The following DLG2 variants were observed in gnomAD, a reference collection of about 807,000 sequenced individuals.
DLG2 encodes the protein disks large homolog 2.
A neutral mutation model predicts 132.5 loss-of-function variants in DLG2; 45 were observed. That is an observed-to-expected ratio of 0.34 (90% confidence interval 0.27 to 0.44). The LOEUF is 0.44. Ranked by LOEUF, DLG2 falls within the 20% of genes least tolerant of loss-of-function variation. The probability of loss-of-function intolerance (pLI) is 1.00; values close to 1 mark genes in which losing one functional copy is unlikely to be tolerated. For missense variants in DLG2, 1,045 were observed against 1,196.9 expected (o/e 0.87, Z 1.87); for synonymous variants, 424 against 419.6 (o/e 1.01, Z -0.13).
intron 3 of DLG2, chr11:85,452,559 ACCATAACTAGAATGTACCCT>A (rs1213393512): frequency 1.0e-4 from 21 of 201,966 alleles, no homozygotes; most frequent in African/African-American, 3.5e-4. Context: ...AGCCTCCAAC[ACCATAACTAGAATGTACCCT>A]CCTATATCTA....
At chr11:84,594,241 A>G (rs927921282) in intron 6 of DLG2, among the ~76,000 whole-genome samples, 6 of 152,170 alleles carry the variant, frequency 3.9e-5, no homozygotes, top group African/African-American at 1.4e-4. Context: ...ATGCACAGTT[A>G]AACTGTGGGT....
chr11:84,165,759 A>G (rs909374241), intron 8 of DLG2, among the ~76,000 whole-genome samples: 5 of 152,064 alleles, frequency 3.3e-5, no homozygotes, highest in Non-Finnish European at 7.4e-5. Flanking sequence ...TTAGCTGGGC[A>G]TAGTGACAGG....
At chr11:83,992,855 A>G (rs547021736) in intron 11 of DLG2, among the ~76,000 whole-genome samples, 22 of 152,150 alleles carry the variant, frequency 1.4e-4, no homozygotes, top group Non-Finnish European at 3.1e-4. Context: ...ACAAGAAAGG[A>G]TGATCATCAA....
chr11:83,750,581 A>G (rs916293970), intron 18 of DLG2, among the ~76,000 whole-genome samples: 71 of 152,308 alleles, frequency 4.7e-4, no homozygotes, highest in African/African-American at 1.7e-3. Flanking sequence ...CTACATATAG[A>G]CATTTCAAAT....
At chr11:84,497,476 T>A (rs1393817526) in intron 7 of DLG2, among the ~76,000 whole-genome samples, 1 of 152,020 alleles carries the variant, frequency 6.6e-6, no homozygotes, top group Non-Finnish European at 1.5e-5. Flanking sequence ...AGAAAGACAA[T>A]CTTTTTTCTA....
intron 16 of DLG2, among the ~76,000 whole-genome samples, chr11:83,864,659 C>T (rs2061993112): frequency 6.6e-6 from 1 of 152,082 alleles, no homozygotes; most frequent in East Asian, 1.9e-4. Context: ...GGATAAACAT[C>T]GCTGGCTGTT....
At chr11:85,467,313 C>A (rs1171607664) in intron 3 of DLG2, among the ~76,000 whole-genome samples, 2 of 152,268 alleles carry the variant, frequency 1.3e-5, no homozygotes, top group African/African-American at 4.8e-5. Context: ...CCTTCTCCTG[C>A]CTGATTGCCC....
chr11:85,421,390 G>A (rs1050688295), intron 3 of DLG2, among the ~76,000 whole-genome samples: 9 of 151,438 alleles, frequency 5.9e-5, no homozygotes, highest in African/African-American at 1.7e-4. Flanking sequence ...GTTCCTATTC[G>A]GCCATCTTAC....
intron 18 of DLG2, among the ~76,000 whole-genome samples, chr11:83,640,331 T>C (rs557538342): frequency 1.3e-5 from 2 of 152,272 alleles, no homozygotes; most frequent in South Asian, 4.1e-4. Flanking sequence ...CTGGGGTAAA[T>C]GTCAATGGTG....
In DLG2 at chr11:84,377,034, C is replaced by T. The variant is rs146412204; in HGVS notation, c.520-125743G>A. Among the ~76,000 whole-genome samples, 654 of 152,088 alleles carry T rather than the reference C, an allele frequency of 4.3e-3. 9 individuals are homozygous for T. The highest frequency in any genetic ancestry group is 0.015 in the African/African-American group (604 of 41,538). On this transcript the variant is annotated intron_variant, in intron 7 of 27. Coordinates refer to ENST00000376104, the MANE Select transcript of DLG2 (RefSeq NM_001142699.3). ...TAATGTAAGGGTCAGGCTGACAAAA[C>T]CTGTACCAATGATAAATTTCAACAT...
intron 3 of DLG2, among the ~76,000 whole-genome samples, chr11:85,525,184 T>C (rs1433735470): frequency 6.6e-6 from 1 of 152,238 alleles, no homozygotes. Flanking sequence ...CCTTTGATTA[T>C]CTCAGTAGAT....
intron 7 of DLG2, among the ~76,000 whole-genome samples, chr11:84,314,800 TC>T (rs1354786497): frequency 1.3e-5 from 2 of 151,896 alleles, no homozygotes; most frequent in African/African-American, 4.8e-5. Context: ...TATATTAAAG[TC>T]TGTGTGTATG....
intron 6 of DLG2, among the ~76,000 whole-genome samples, chr11:85,054,842 A>G (rs1386139951): frequency 6.6e-6 from 1 of 152,158 alleles, no homozygotes; most frequent in African/African-American, 2.4e-5. Context: ...AATGCCAATA[A>G]TAGACACTGA....
Position 84,007,575 on chromosome 11 carries a change from T to A in DLG2, c.920-26933A>T, listed in dbSNP as rs2154057615. On this transcript the variant is annotated intron_variant, in intron 11 of 27. Transcript: ENST00000376104. Reference sequence around the variant, plus strand: ...ATTTACACAAATAAATTCAGCTACATAATTGAACATCTTTAATGACTGCTT... The same window carrying A: ...ATTTACACAAATAAATTCAGCTACAAAATTGAACATCTTTAATGACTGCTT... 2.6e-5 allele frequency among the ~76,000 whole-genome samples: 4 copies of A among 151,902 alleles called. 1 individual carries two copies. The highest frequency in any genetic ancestry group is 2.6e-4 in the Admixed American group (4 of 15,200).
chr11:84,972,024 T>A (rs914735196), intron 6 of DLG2, among the ~76,000 whole-genome samples: 4 of 152,170 alleles, frequency 2.6e-5, no homozygotes, highest in Admixed American at 2.0e-4. Context: ...AAAAAGGCTT[T>A]CTTGCTCAGT....
chr11:84,088,615 G>A (rs1196370825), intron 10 of DLG2, among the ~76,000 whole-genome samples: 1 of 152,094 alleles, frequency 6.6e-6, no homozygotes, highest in South Asian at 2.1e-4. Context: ...GGGACTTGTC[G>A]ATTGCCAGTC....
chr11:83,989,177 T>A (rs1015058145), intron 11 of DLG2, among the ~76,000 whole-genome samples: 1 of 152,126 alleles, frequency 6.6e-6, no homozygotes, highest in Non-Finnish European at 1.5e-5. Flanking sequence ...CTGCAGTCAG[T>A]AACTGTATAA....
intron 14 of DLG2, among the ~76,000 whole-genome samples, chr11:83,953,682 T>C (rs1034824496): frequency 1.3e-5 from 2 of 152,220 alleles, no homozygotes; most frequent in African/African-American, 2.4e-5. Context: ...TCTTGTCCTA[T>C]ATTATCACCT....
At chr11:83,863,700 C>T (rs886742078) in intron 16 of DLG2, among the ~76,000 whole-genome samples, 2 of 152,048 alleles carry the variant, frequency 1.3e-5, no homozygotes, top group Non-Finnish European at 2.9e-5. Flanking sequence ...TTAATCTCCA[C>T]TTTTAGATTA....
Sources: gnomAD v4.1 joint callset for allele counts (sites outside exome capture counted in the v4.1 genomes callset) on GRCh38, gnomAD v4.1.1 for gene constraint, MANE v1.5 for transcripts, NCBI Gene and HGNC (gene_info 2026-07-23, HGNC 2026-07-21) for gene names.